The following ZNF320 variants were observed in gnomAD, a reference collection of about 807,000 sequenced individuals.
ZNF320 encodes the protein zinc finger gene 320.
Under a neutral mutation model 6.8 loss-of-function variants are expected in ZNF320, and 2 were observed. That is an observed-to-expected ratio of 0.29 (90% CI 0.12 to 0.93). The LOEUF is 0.93. Ranked by LOEUF, ZNF320 falls within the 40% of genes least tolerant of loss-of-function variation. The probability of loss-of-function intolerance (pLI) is 0.55; values close to 1 mark genes in which losing one functional copy is unlikely to be tolerated. For missense variants in ZNF320, 472 were observed against 611.0 expected, an observed-to-expected ratio of 0.77 and a Z score of 2.40; for synonymous variants, 208 against 203.2, an observed-to-expected ratio of 1.02 and a Z score of -0.20.
rs1568693514 is a variant in ZNF320 at position 52,865,848 on chromosome 19, T to TATATTTATATATTATAC, written c.224-1706_224-1690dup. On this transcript the variant is annotated intron_variant, in intron 5 of 5. Transcript: ENST00000673631. ...ATATATTTATATATGATTATACACA[T>TATATTTATATATTATAC]ATATTTATATATTATACATATATAT... Among the ~76,000 whole-genome samples the TATATTTATATATTATAC allele has an allele frequency of 3.0e-3, 361 of 120,578 alleles. 6 individuals carry two copies. The highest frequency in any genetic ancestry group is 4.8e-3 in the Admixed American group (52 of 10,892). 79.1% of individuals were successfully genotyped at this position (120,578 alleles called of 152,430 possible).
At chr19:52,859,662 G>A (rs549201835), downstream of ZNF320, among the ~76,000 whole-genome samples, 1 of 152,262 alleles carries the variant, frequency 6.6e-6, no homozygotes, top group East Asian at 1.9e-4. Flanking sequence ...CAAGACCAGT[G>A]CATAGGCTGC....
downstream of ZNF320, among the ~76,000 whole-genome samples, chr19:52,874,697 C>T (rs1172758764): frequency 1.3e-5 from 2 of 152,218 alleles, no homozygotes; most frequent in Middle Eastern, 3.4e-3. Flanking sequence ...TCACACAGAA[C>T]AGGCAACATG....
intron 5 of ZNF320, among the ~76,000 whole-genome samples, chr19:52,868,875 A>G (rs7247533): frequency 0.37 from 55,772 of 150,870 alleles, 11,206 homozygotes; most frequent in Non-Finnish European, 0.46. Flanking sequence ...TGATTTAGGC[A>G]GCCTCCAATA....
chr19:52,894,611 C>T (rs1048215979), intron 1 of ZNF320, among the ~76,000 whole-genome samples: 35 of 152,246 alleles, frequency 2.3e-4, no homozygotes, highest in African/African-American at 6.5e-4. Flanking sequence ...CGGTGGCTCA[C>T]GCCTGTAATC....
In ZNF320 at chr19:52,878,027, C is replaced by T. The variant is rs1379777834; in HGVS notation, c.*2569G>A. 1 of 155,526 alleles carries T rather than the reference C, an allele frequency of 6.4e-6. No homozygotes were observed. Among genetic ancestry groups the T allele is most frequent in the African/African-American group, 2.4e-5 (1 of 41,454 alleles). 9.6% of individuals were successfully genotyped at this position (155,526 alleles called of 1,614,324 possible). A position where few individuals can be genotyped will look rare whatever the true frequency, so the allele number is the denominator to read the frequency against. Reference sequence around the variant, plus strand: ...ATAACAGATCCAGAGAAAAAAAATACATTCTCAATAAAACATGTCCAACTC... The same window carrying T: ...ATAACAGATCCAGAGAAAAAAAATATATTCTCAATAAAACATGTCCAACTC... On this transcript the variant is annotated 3_prime_UTR_variant, in exon 6 of 6. Transcript: ENST00000682928.
intron 4 of ZNF320, among the ~76,000 whole-genome samples, chr19:52,888,738 T>G (rs1340887519): frequency 1.3e-5 from 2 of 152,182 alleles, no homozygotes; most frequent in Non-Finnish European, 2.9e-5. Flanking sequence ...AACTAGATGT[T>G]AATACAAAGG....
chr19:52,884,992 T>C (rs1052546952), intron 5 of ZNF320, among the ~76,000 whole-genome samples: 10 of 151,652 alleles, frequency 6.6e-5, no homozygotes, highest in African/African-American at 2.4e-4. Flanking sequence ...GGTCAGGAGA[T>C]CAAGACCATC....
intron 5 of ZNF320, among the ~76,000 whole-genome samples, chr19:52,868,602 A>G (rs932988204): frequency 7.2e-5 from 11 of 152,224 alleles, no homozygotes; most frequent in Admixed American, 2.0e-4. Context: ...CATGACCCCA[A>G]TTTGCACATA....
Position 52,881,882 on chromosome 19 carries a change from T to C in ZNF320, c.244A>G (p.Ile82Val), listed in dbSNP as rs761679799. 1.9e-6 allele frequency: 3 copies of C among 1,613,734 alleles called. No homozygotes were observed. The highest frequency in any genetic ancestry group is 2.2e-5 in the East Asian group (1 of 44,888). Residue 82 changes from isoleucine (I) to valine (V), a missense_variant, in exon 6 of 6, where the codon ATT becomes GTT. Ile to Val is a conservative substitution (Grantham distance 29, BLOSUM62 3). Transcript: ENST00000682928. ...GTLQRQASYH[I>V]GAFCSQEIEK... ...ATTTCCTGGGAGCAAAATGCTCCAATGTGATAACTTGCTTGTCTCTGCAAT... is the reference window on the plus strand; with the variant it reads ...ATTTCCTGGGAGCAAAATGCTCCAACGTGATAACTTGCTTGTCTCTGCAAT...
upstream of ZNF320, among the ~76,000 whole-genome samples, chr19:52,902,067 A>G (rs922324444): frequency 6.6e-6 from 1 of 151,752 alleles, no homozygotes; most frequent in African/African-American, 2.4e-5. Flanking sequence ...CACTCTAGTT[A>G]TTCGGCAGAG....
At chr19:52,903,309 C>A in the ZNF320 span, among the ~76,000 whole-genome samples, 3 of 152,112 alleles carry the variant, frequency 2.0e-5, no homozygotes, top group Admixed American at 6.6e-5. Context: ...ATTAATAAGA[C>A]CTTGTTTAGT....
upstream of ZNF320, among the ~76,000 whole-genome samples, chr19:52,900,278 T>C (rs924405828): frequency 1.3e-5 from 2 of 152,252 alleles, no homozygotes; most frequent in Non-Finnish European, 2.9e-5. Context: ...GGTACTATTA[T>C]ACAACTTTTG....
chr19:52,880,852 T>C lies in ZNF320; in HGVS notation c.1274A>G (p.Lys425Arg). The change falls in exon 6 of 6, where the codon AAA becomes AGA. Residue 425 changes from lysine (K) to arginine (R), a missense_variant. This residue lies in a region of ZNF320 where 462 missense variants were observed against 559.7 expected (regional missense o/e 0.83). Transcript: ENST00000682928. ...CEECDKVYIR[K>R]SHLERHRRIH... ...CCTCCTATGTCTTTCAAGGTGTGAT[T>C]TGCGAATGTAAACTTTGTCACATTC... The C allele has an allele frequency of 6.2e-7, 1 of 1,613,980 alleles. No individual in the cohort carries two copies. Among genetic ancestry groups the C allele is most frequent in the East Asian group, 2.2e-5 (1 of 44,868 alleles).
chr19:52,861,794 G>A, exon 6 of ZNF320: 1 of 358,466 alleles, frequency 2.8e-6, no homozygotes, highest in East Asian at 7.4e-5. Flanking sequence ...CTGATGTTCT[G>A]CAAGGAGTGA....
intron 1 of ZNF320, among the ~76,000 whole-genome samples, chr19:52,896,747 G>A (rs2064486259): frequency 1.3e-5 from 2 of 152,158 alleles, no homozygotes; most frequent in Admixed American, 1.3e-4. Flanking sequence ...TGGGTCCTGG[G>A]TCTGGGGGCA....
At chr19:52,870,410 G>A (rs780832058) in intron 5 of ZNF320, among the ~76,000 whole-genome samples, 9 of 150,314 alleles carry the variant, frequency 6.0e-5, no homozygotes, top group South Asian at 4.2e-4. Flanking sequence ...ACCTGGAGGC[G>A]GAGCTTGCAG....
intron 4 of ZNF320, 92 bp downstream of exon 4, chr19:52,890,149 G>T (rs1346434801): frequency 4.3e-5 from 67 of 1,548,468 alleles, no homozygotes; most frequent in Non-Finnish European, 5.8e-5. Flanking sequence ...TGTCAGGCAG[G>T]ATGCTTCAGA....
chr19:52,869,117 T>C (rs921528356), intron 5 of ZNF320, among the ~76,000 whole-genome samples: 3 of 152,134 alleles, frequency 2.0e-5, no homozygotes, highest in Middle Eastern at 6.8e-3. Flanking sequence ...TGTGGGAATA[T>C]AATTCCACTA....
At chr19:52,865,276 C>A (rs1004674561) in intron 5 of ZNF320, 2 of 200,946 alleles carry the variant, frequency 1.0e-5, no homozygotes, top group South Asian at 8.9e-5. Context: ...AAGCTGAGAT[C>A]GTGCTACTGG....
Sources: allele counts gnomAD v4.1 joint callset (sites outside exome capture counted in the v4.1 genomes callset), GRCh38; gene constraint gnomAD v4.1.1; regional missense constraint gnomAD v4.1.1; transcripts MANE v1.5; gene names NCBI Gene and HGNC (gene_info 2026-07-23, HGNC 2026-07-21).